Variants in ST3GAL6 observed in about 807,000 individuals in gnomAD.
ST3GAL6 encodes the protein type 2 lactosamine alpha-2,3-sialyltransferase.
Under a neutral mutation model 40.5 loss-of-function variants are expected in ST3GAL6, and 31 were observed. The observed-to-expected ratio is 0.77, with a 90% CI of 0.58 to 1.03. The LOEUF (loss-of-function observed/expected upper bound fraction) is 1.03, where lower values mean the gene tolerates loss of function less well. Ranked by LOEUF, ST3GAL6 falls within the 50% of genes least tolerant of loss-of-function variation. The pLI is 0.00. For missense variants in ST3GAL6, 357 were observed against 393.2 expected (o/e 0.91, Z 0.78); for synonymous variants, 129 against 136.9 (o/e 0.94, Z 0.40).
At chr3:98,774,975 T>G (rs768684541) in intron 5 of ST3GAL6, among the ~76,000 whole-genome samples, 1 of 152,224 alleles carries the variant, frequency 6.6e-6, no homozygotes, top group Non-Finnish European at 1.5e-5. Flanking sequence ...CCATAAATTT[T>G]TTCAACCCCC....
chr3:98,776,887 A>G (rs73136027), intron 5 of ST3GAL6, among the ~76,000 whole-genome samples: 57 of 152,316 alleles, frequency 3.7e-4, no homozygotes, highest in Non-Finnish European at 7.6e-4. Context: ...TGATGCCCTC[A>G]GTTGGGATAG....
At chr3:98,780,804 G>T (rs184644343) in intron 5 of ST3GAL6, among the ~76,000 whole-genome samples, 4 of 152,220 alleles carry the variant, frequency 2.6e-5, no homozygotes, top group African/African-American at 9.6e-5. Context: ...TTTGGGCCAC[G>T]CATTATCTAG....
intron 1 of ST3GAL6, chr3:98,732,852 T>A: frequency 1.5e-5 from 22 of 1,509,290 alleles, no homozygotes; most frequent in Non-Finnish European, 1.9e-5. Flanking sequence ...GGCCTCGGGC[T>A]TCTGCGGCCC....
upstream of ST3GAL6, among the ~76,000 whole-genome samples, chr3:98,758,891 T>A (rs1185174687): frequency 6.6e-6 from 1 of 152,224 alleles, no homozygotes; most frequent in East Asian, 1.9e-4. Flanking sequence ...GTAATAGCTC[T>A]ATTAGGAAGT....
chr3:98,789,193 A>G (rs1941003329), intron 8 of ST3GAL6, among the ~76,000 whole-genome samples: 1 of 152,208 alleles, frequency 6.6e-6, no homozygotes, highest in Admixed American at 6.5e-5. Flanking sequence ...GGAAAAATCC[A>G]AAGAAATAAA....
chr3:98,743,524 G>T (rs1936296099), intron 1 of ST3GAL6, among the ~76,000 whole-genome samples: 1 of 152,074 alleles, frequency 6.6e-6, no homozygotes, highest in South Asian at 2.1e-4. Context: ...CTATTTCTTG[G>T]ATAGCTCCAT....
chr3:98,735,834 A>C (rs1935498758), intron 1 of ST3GAL6, among the ~76,000 whole-genome samples: 2 of 152,156 alleles, frequency 1.3e-5, no homozygotes, highest in Admixed American at 1.3e-4. Context: ...AATTTTATTT[A>C]CAATTCCATA....
intron 2 of ST3GAL6, 50 bp from the exon 3 acceptor site, chr3:98,770,829 G>T: frequency 6.5e-7 from 1 of 1,550,188 alleles, no homozygotes; most frequent in South Asian, 1.1e-5. Flanking sequence ...CTTCCCTTTG[G>T]GCAGGGTGCC....
chr3:98,752,696 C>T (rs1937104346), intron 1 of ST3GAL6, among the ~76,000 whole-genome samples: 1 of 152,184 alleles, frequency 6.6e-6, no homozygotes, highest in Non-Finnish European at 1.5e-5. Context: ...TGGTCTCGAT[C>T]TCCTGACCTC....
intron 1 of ST3GAL6, among the ~76,000 whole-genome samples, chr3:98,757,487 A>C (rs1937510838): frequency 1.3e-5 from 2 of 152,148 alleles, no homozygotes; most frequent in Admixed American, 1.3e-4. Context: ...TGCCAGCAAC[A>C]CCTCAATTTA....
upstream of ST3GAL6, among the ~76,000 whole-genome samples, chr3:98,761,563 T>C (rs1937769328): frequency 6.7e-6 from 1 of 150,152 alleles, no homozygotes; most frequent in Non-Finnish European, 1.5e-5. Flanking sequence ...TGAGCCAAGA[T>C]TGCATCACTA....
chr3:98,752,081 C>G (rs2107342789), intron 1 of ST3GAL6, among the ~76,000 whole-genome samples: 1 of 152,234 alleles, frequency 6.6e-6, no homozygotes, highest in Middle Eastern at 3.4e-3. Context: ...CTCTTAAGGT[C>G]CCAGCTGGGT....
chr3:98,733,155 C>T, intron 1 of ST3GAL6: 1 of 1,233,774 alleles, frequency 8.1e-7, no homozygotes, highest in Non-Finnish European at 1.0e-6. Flanking sequence ...TGCCCCTCCA[C>T]ATATCCTGCC....
Position 98,768,466 on chromosome 3 carries a change from T to A in ST3GAL6, c.26T>A (p.Phe9Tyr). The change falls in exon 2 of 10, where the codon TTC becomes TAC. Residue 9 changes from phenylalanine to tyrosine, a missense_variant. Coordinates refer to ENST00000483910, the MANE Select transcript of ST3GAL6 (RefSeq NM_001323368.2). MRGYLVAI[F>Y]LSAVFLYYVL... ...ATGAGAGGGTATCTTGTGGCCATAT[T>A]CCTGAGTGCTGTCTTCCTCTATTAT... 1 of 1,614,014 alleles carries A rather than the reference T, an allele frequency of 6.2e-7. No homozygotes were observed. Among genetic ancestry groups the A allele is most frequent in the Non-Finnish European group, 8.5e-7 (1 of 1,179,862 alleles).
At chr3:98,765,805 C>A (rs1021658383) in intron 1 of ST3GAL6, among the ~76,000 whole-genome samples, 3 of 152,046 alleles carry the variant, frequency 2.0e-5, no homozygotes, top group South Asian at 2.1e-4. Context: ...TATTAAAGGG[C>A]CTTATGTCTT....
chr3:98,751,493 T>G (rs1937006612), intron 1 of ST3GAL6, among the ~76,000 whole-genome samples: 1 of 152,208 alleles, frequency 6.6e-6, no homozygotes, highest in Non-Finnish European at 1.5e-5. Context: ...AAAAGTGAAA[T>G]GTATATAGAG....
At chr3:98,787,241 C>A (rs1257766363) in intron 6 of ST3GAL6, among the ~76,000 whole-genome samples, 2 of 152,114 alleles carry the variant, frequency 1.3e-5, no homozygotes, top group East Asian at 1.9e-4. Context: ...CCACAGGAAA[C>A]CCTTGCAGGA....
chr3:98,744,600 A>G (rs1936395316), intron 1 of ST3GAL6, among the ~76,000 whole-genome samples: 1 of 152,150 alleles, frequency 6.6e-6, no homozygotes, highest in Non-Finnish European at 1.5e-5. Flanking sequence ...GCTTCCTGAC[A>G]TGCTCCAGGT....
At chr3:98,792,433 CATACTGGATCACACTTCTCTTGA>C (rs1382965111) in intron 9 of ST3GAL6, among the ~76,000 whole-genome samples, 1 of 152,048 alleles carries the variant, frequency 6.6e-6, no homozygotes, top group Non-Finnish European at 1.5e-5. Context: ...TACCAACTTT[CATACTGGATCACACTTCTCTTGA>C]ATAGGGATTA....
Sources: allele counts gnomAD v4.1 joint callset (sites outside exome capture counted in the v4.1 genomes callset), GRCh38; gene constraint gnomAD v4.1.1; transcripts MANE v1.5; gene names NCBI Gene and HGNC (gene_info 2026-07-23, HGNC 2026-07-21).